The following XPO7 variants were observed in gnomAD, a reference collection of about 807,000 sequenced individuals.
XPO7 encodes exportin 7, also known as exportin-7.
In XPO7, 21 loss-of-function variants were observed where a neutral mutation model predicts 144.3. That is an observed-to-expected ratio of 0.15 (90% confidence interval 0.10 to 0.21). XPO7 has a LOEUF of 0.21. XPO7 is among the 10% of genes least tolerant of loss of function. XPO7 has a pLI of 1.00. For missense variants in XPO7, 808 were observed against 1,325.8 expected (o/e 0.61, Z 6.06); for synonymous variants, 580 against 499.6 (o/e 1.16, Z -2.15).
In XPO7 at chr8:21,949,265, T is replaced by C. The variant is rs534676657; in HGVS notation, c.19-17592T>C. On this transcript the variant is annotated intron_variant, in intron 1 of 27. Coordinates refer to ENST00000252512, the MANE Select transcript of XPO7 (RefSeq NM_015024.5). The stretch of plus-strand genomic sequence containing the variant: ...TTTATAATTAAGTGACTTTACTTCC[T>C]AGGGTAGCACGAGTCATGGGGATTC... Among the ~76,000 whole-genome samples, 3 of 152,292 alleles carry C rather than the reference T, an allele frequency of 2.0e-5. No homozygotes were observed. In the East Asian group the frequency reaches 5.8e-4, roughly 29 times the overall value.
intron 2 of XPO7, 56 bp from the exon 3 acceptor site, chr8:21,969,427 C>T: frequency 6.8e-7 from 1 of 1,464,232 alleles, no homozygotes; most frequent in South Asian, 1.2e-5. Flanking sequence ...AGTTAAAAAC[C>T]TTGTGACTGG....
chr8:21,985,318 A>G (rs1812544030), intron 12 of XPO7, among the ~76,000 whole-genome samples: 1 of 152,206 alleles, frequency 6.6e-6, no homozygotes, highest in Non-Finnish European at 1.5e-5. Context: ...TGTTTGTAAC[A>G]TGGCACTGTG....
intron 19 of XPO7, among the ~76,000 whole-genome samples, chr8:21,993,776 C>T: frequency 6.6e-6 from 1 of 151,760 alleles, no homozygotes; most frequent in East Asian, 1.9e-4. Flanking sequence ...GCTGTGTAGA[C>T]TCCCCTTTGT....
Position 22,003,269 on chromosome 8 carries a change from G to A in XPO7, c.2994G>A (p.Gln998=), listed in dbSNP as rs781493285. ...NIIIFEDCRN[Q]WSMSRPLLGL... ...TCATCTTTGAAGACTGTAGGAACCA[G>A]TGGTCTATGTCCCGACCACTACTTG... is the stretch of plus-strand genomic sequence containing the variant. The change falls in exon 26 of 28, where the codon CAG becomes CAA. Residue 998 remains glutamine (Q), a synonymous_variant. Coordinates refer to ENST00000252512, the MANE Select transcript of XPO7 (RefSeq NM_015024.5). 3 of 1,613,378 alleles carry A rather than the reference G, an allele frequency of 1.9e-6. No individual in the cohort carries two copies. In the South Asian group the frequency reaches 3.3e-5, roughly 18 times the overall value.
chr8:21,989,821 CTTTTTTTT>C (rs1170364778), intron 16 of XPO7, among the ~76,000 whole-genome samples: 1 of 59,676 alleles, frequency 1.7e-5, no homozygotes, highest in Non-Finnish European at 3.6e-5. Context: ...TAGGTGTTTC[CTTTTTTTT>C]TTTTTTTTTT....
chr8:21,979,430 C>T (rs1278438101), intron 8 of XPO7, among the ~76,000 whole-genome samples: 7 of 141,182 alleles, frequency 5.0e-5, no homozygotes, highest in Non-Finnish European at 1.1e-4. Flanking sequence ...GTTTTTGAGA[C>T]GGAGTCTCTC....
intron 15 of XPO7, chr8:21,988,439 C>T (rs1812652574): frequency 6.4e-6 from 1 of 155,694 alleles, no homozygotes; most frequent in African/African-American, 2.4e-5. Context: ...TTTAGGAGCT[C>T]AATTTATCAA....
chr8:21,979,325 G>A (rs975821247), intron 8 of XPO7, among the ~76,000 whole-genome samples: 4 of 151,822 alleles, frequency 2.6e-5, no homozygotes, highest in Admixed American at 1.3e-4. Context: ...GATTACGGGC[G>A]TGAGCCACCA....
chr8:21,968,016 A>G (rs1250947712), intron 2 of XPO7, among the ~76,000 whole-genome samples: 3 of 152,040 alleles, frequency 2.0e-5, no homozygotes, highest in Non-Finnish European at 4.4e-5. Flanking sequence ...CAGTCCTCAT[A>G]TTTTTCCTAA....
In XPO7 at chr8:22,006,000, G is replaced by T. The variant is rs903768717; in HGVS notation, c.*912G>T. On this transcript the variant is annotated 3_prime_UTR_variant, in exon 28 of 28. Coordinates refer to ENST00000252512, the MANE Select transcript of XPO7 (RefSeq NM_015024.5). ...GGAAGTGAGCCCACTGCTCTCCTGG[G>T]AGCAATGTGGGTGAGTCCACCAGAG... The T allele has an allele frequency of 1.3e-5, 2 of 152,252 alleles. No individual in the cohort carries two copies. The highest frequency in any genetic ancestry group is 2.9e-5 in the Non-Finnish European group (2 of 68,062). 9.4% of individuals were successfully genotyped at this position (152,252 alleles called of 1,614,324 possible).
intron 4 of XPO7, among the ~76,000 whole-genome samples, chr8:21,971,226 C>G (rs1021772924): frequency 2.0e-5 from 3 of 152,184 alleles, no homozygotes; most frequent in Non-Finnish European, 2.9e-5. Flanking sequence ...TAAGTACACT[C>G]TATGATGTTA....
chr8:21,969,607 A>G (rs1411547188), intron 3 of XPO7, 31 bp downstream of exon 3: 1 of 1,582,818 alleles, frequency 6.3e-7, no homozygotes, highest in Non-Finnish European at 8.7e-7. Context: ...TCTGTCTTGA[A>G]GAAAATAGTT....
chr8:21,926,774 GA>G (rs151213250), intron 1 of XPO7, among the ~76,000 whole-genome samples: 3,616 of 151,676 alleles, frequency 0.024, 142 homozygotes, highest in African/African-American at 0.082. Context: ...CATCTCAGTT[GA>G]AAAAAAATCT....
At chr8:21,982,857 G>A (rs1018340159) in intron 11 of XPO7, 45 bp downstream of exon 11, 1 of 1,547,142 alleles carries the variant, frequency 6.5e-7, no homozygotes, top group Non-Finnish European at 8.7e-7. Flanking sequence ...GTGGCCTGTT[G>A]TCACACTTCC....
In XPO7 at chr8:22,002,223, G is replaced by T. The variant is rs774664895; in HGVS notation, c.2894G>T (p.Ser965Ile). ...KKRTTPLNQE[S>I]DRFLHIMQQH... ...AGGACCACACCCCTGAACCAGGAGA[G>T]CGACCGCTTTCTGCACATCATGCAG... Residue 965 changes from serine (S) to isoleucine (I), a missense_variant, in exon 25 of 28, where the codon AGC becomes ATC. By Grantham distance (142) the Ser-to-Ile change is moderately radical (BLOSUM62 -2). This residue lies in a region of XPO7 where 140 missense variants were observed against 237.9 expected (regional missense o/e 0.59). Coordinates refer to ENST00000252512, the MANE Select transcript of XPO7 (RefSeq NM_015024.5). 4 of 1,613,390 alleles carry T rather than the reference G, an allele frequency of 2.5e-6. No individual in the cohort carries two copies. Among genetic ancestry groups the T allele is most frequent in the Non-Finnish European group, 3.4e-6 (4 of 1,179,642 alleles).
In XPO7 at chr8:21,926,749, T is replaced by C. The variant is rs532002674; in HGVS notation, c.18+6961T>C. ...ACATATCAATACATCTGTTGATGTA[T>C]TGATAAAATCTATACATCTCAGTTG... On this transcript the variant is annotated intron_variant, in intron 1 of 27. Coordinates refer to ENST00000252512, the MANE Select transcript of XPO7 (RefSeq NM_015024.5). 1.2e-3 allele frequency among the ~76,000 whole-genome samples: 182 copies of C among 152,284 alleles called. 1 individual carries two copies. Among genetic ancestry groups the C allele is most frequent in the Non-Finnish European group, 2.3e-3 (154 of 68,026 alleles).
At chr8:22,003,051 G>T (rs1813206707) in intron 25 of XPO7, 168 bp from the exon 26 acceptor site, 1 of 463,238 alleles carries the variant, frequency 2.2e-6, no homozygotes, top group Non-Finnish European at 3.8e-6. Flanking sequence ...AGAAGAAAAG[G>T]TAACCTTGAA....
chr8:21,990,372 C>G lies in XPO7; in HGVS notation c.1897C>G (p.Leu633Val). ...GYSSVRKLVK[L>V]SAVQFMLNNH... ...CAGTAGCGTAAGGAAGCTAGTGAAG[C>G]TTAGTGCGGTACAGTTCATGCTGAA... is the stretch of plus-strand genomic sequence containing the variant. The change falls in exon 17 of 28, where the codon CTT becomes GTT. Residue 633 changes from leucine to valine, a missense_variant. Leu to Val is a conservative substitution (Grantham distance 32). Transcript: ENST00000252512. 1 of 1,613,874 alleles carries G rather than the reference C, an allele frequency of 6.2e-7. No individual in the cohort carries two copies. The highest frequency in any genetic ancestry group is 8.5e-7 in the Non-Finnish European group (1 of 1,179,796).
chr8:22,000,068 A>G lies in XPO7; in HGVS notation c.2782+394A>G, dbSNP rs17060729. Among the ~76,000 whole-genome samples, 971 of 152,370 alleles carry G rather than the reference A, an allele frequency of 6.4e-3. 11 individuals are homozygous for G. Among genetic ancestry groups the G allele is most frequent in the African/African-American group, 0.022 (934 of 41,586 alleles). Reference sequence around the variant, plus strand: ...CTAGACTCTTGGTTGTGAGGAAGTCAGGATCAAGGAAGACTGGCTGGAAGA... The same window carrying G: ...CTAGACTCTTGGTTGTGAGGAAGTCGGGATCAAGGAAGACTGGCTGGAAGA... On this transcript the variant is annotated intron_variant, in intron 24 of 27. Coordinates refer to ENST00000252512, the MANE Select transcript of XPO7 (RefSeq NM_015024.5).
Sources: gnomAD v4.1 joint callset for allele counts (sites outside exome capture counted in the v4.1 genomes callset) on GRCh38, gnomAD v4.1.1 for gene constraint, gnomAD v4.1.1 regional missense constraint, MANE v1.5 for transcripts, NCBI Gene and HGNC (gene_info 2026-07-23, HGNC 2026-07-21) for gene names.